Variants in NDST4 observed in about 807,000 individuals in gnomAD.
NDST4 encodes the protein N-deacetylase and N-sulfotransferase 4.
NDST4 carries 63 observed loss-of-function variants against 100.8 expected under a neutral mutation model. The observed-to-expected ratio is 0.62, with a 90% CI of 0.51 to 0.77. The LOEUF is 0.77. Among genes scored for constraint, NDST4 ranks in the 30% least tolerant of loss-of-function variants. NDST4 has a pLI of 0.00. For missense variants in NDST4, 943 were observed against 1,018.4 expected, an observed-to-expected ratio of 0.93 and a Z score of 1.01; for synonymous variants, 377 against 361.8, an observed-to-expected ratio of 1.04 and a Z score of -0.48.
At chr4:114,935,392 G>A (rs1725607366) in intron 5 of NDST4, 58 bp from the exon 6 acceptor site, 1 of 1,436,722 alleles carries the variant, frequency 7.0e-7, no homozygotes, top group South Asian at 1.6e-5. Context: ...AACTTCACCT[G>A]TGTCTCATAA....
At chr4:114,927,880 T>C (rs1461437521) in intron 6 of NDST4, among the ~76,000 whole-genome samples, 2 of 152,186 alleles carry the variant, frequency 1.3e-5, no homozygotes, top group East Asian at 1.9e-4. Flanking sequence ...CTTCTACTTA[T>C]AAGTTCCTAC....
chr4:115,049,748 G>A (rs1372416736), intron 2 of NDST4, among the ~76,000 whole-genome samples: 2 of 152,074 alleles, frequency 1.3e-5, no homozygotes, highest in Non-Finnish European at 2.9e-5. Context: ...GGGCCAGTGA[G>A]GTAAAAGTTG....
chr4:114,931,905 T>TA (rs558546577), intron 6 of NDST4, among the ~76,000 whole-genome samples: 61 of 146,312 alleles, frequency 4.2e-4, no homozygotes, highest in East Asian at 7.9e-4. Context: ...ATGTATTTTA[T>TA]AAAAAAAAAA....
chr4:115,075,427 T>A (rs1729157048), intron 2 of NDST4, among the ~76,000 whole-genome samples: 1 of 152,160 alleles, frequency 6.6e-6, no homozygotes, highest in African/African-American at 2.4e-5. Flanking sequence ...TGTTACAAAC[T>A]GCAGCATGTA....
At chr4:114,984,039 T>A (rs1726841434) in intron 2 of NDST4, among the ~76,000 whole-genome samples, 1 of 152,228 alleles carries the variant, frequency 6.6e-6, no homozygotes, top group African/African-American at 2.4e-5. Flanking sequence ...TTAAGTTTCA[T>A]GAGGTCTTCC....
chr4:114,994,131 C>A lies in NDST4; in HGVS notation c.979-16857G>T, dbSNP rs113019873. On this transcript the variant is annotated intron_variant, in intron 2 of 13. Coordinates refer to ENST00000264363, the MANE Select transcript of NDST4 (RefSeq NM_022569.3). ...TTGTATTGCTGGAGTACTTAGTAGC[C>A]ACTTAGAACTGCTCCGTGATCTTAG... Among the ~76,000 whole-genome samples, 843 of 151,806 alleles carry A rather than the reference C, an allele frequency of 5.6e-3. 3 individuals are homozygous for A. The highest frequency in any genetic ancestry group is 0.024 in the Middle Eastern group (7 of 294).
At chr4:114,889,046 C>T (rs1217133169) in intron 6 of NDST4, among the ~76,000 whole-genome samples, 3 of 152,062 alleles carry the variant, frequency 2.0e-5, no homozygotes, top group Admixed American at 2.0e-4. Flanking sequence ...ATATATGTAG[C>T]AACACTAGAT....
At chr4:115,018,812 A>G (rs1727746124) in intron 2 of NDST4, among the ~76,000 whole-genome samples, 1 of 152,006 alleles carries the variant, frequency 6.6e-6, no homozygotes, top group African/African-American at 2.4e-5. Flanking sequence ...ATATATTAAT[A>G]TCAATACAAT....
intron 2 of NDST4, among the ~76,000 whole-genome samples, chr4:114,986,118 C>T (rs955118164): frequency 6.6e-6 from 1 of 152,070 alleles, no homozygotes; most frequent in Non-Finnish European, 1.5e-5. Context: ...ATTAAACATA[C>T]TGGCAAAGAG....
intron 2 of NDST4, among the ~76,000 whole-genome samples, chr4:115,002,816 T>A (rs1727324134): frequency 6.6e-6 from 1 of 152,090 alleles, no homozygotes; most frequent in Non-Finnish European, 1.5e-5. Context: ...TAGCGAAGAC[T>A]TGGAACCAAC....
chr4:114,943,879 T>C (rs1184159934), intron 4 of NDST4, among the ~76,000 whole-genome samples: 2 of 152,154 alleles, frequency 1.3e-5, no homozygotes, highest in Admixed American at 1.3e-4. Flanking sequence ...CTTGAAATAG[T>C]GGCTATGAAG....
intron 2 of NDST4, among the ~76,000 whole-genome samples, chr4:115,020,695 A>G (rs943927637): frequency 6.6e-6 from 1 of 152,120 alleles, no homozygotes; most frequent in Non-Finnish European, 1.5e-5. Flanking sequence ...AGAATTTACA[A>G]TGAAGTCAAA....
chr4:114,926,294 T>C (rs1725384839), intron 6 of NDST4, among the ~76,000 whole-genome samples: 1 of 152,104 alleles, frequency 6.6e-6, no homozygotes, highest in Non-Finnish European at 1.5e-5. Context: ...CTCATATCAT[T>C]TAATTTTCAA....
At chr4:115,034,621 C>G (rs1284472446) in intron 2 of NDST4, among the ~76,000 whole-genome samples, 1 of 151,994 alleles carries the variant, frequency 6.6e-6, no homozygotes, top group African/African-American at 2.4e-5. Context: ...AGAAAGTATA[C>G]TAAAAATATT....
chr4:115,030,294 A>AT (rs1255585367), intron 2 of NDST4, among the ~76,000 whole-genome samples: 2 of 152,134 alleles, frequency 1.3e-5, no homozygotes, highest in Non-Finnish European at 2.9e-5. Flanking sequence ...ATGTGGTGTG[A>AT]TTAGAAGTGG....
intron 1 of NDST4, among the ~76,000 whole-genome samples, chr4:115,081,506 T>C (rs1256074611): frequency 1.3e-5 from 2 of 152,056 alleles, no homozygotes; most frequent in Admixed American, 1.3e-4. Flanking sequence ...CATGCAGGAG[T>C]ATGGATAGGG....
At chr4:114,918,549 AT>A (rs1238474288) in intron 6 of NDST4, among the ~76,000 whole-genome samples, 10 of 42,922 alleles carry the variant, frequency 2.3e-4, no homozygotes, top group Non-Finnish European at 3.3e-4. Context: ...TAATAAAAAA[AT>A]AAAAATAAAT....
intron 1 of NDST4, 107 bp downstream of exon 1, chr4:115,113,337 T>A (rs1359181907): frequency 1.3e-5 from 2 of 151,992 alleles, no homozygotes; most frequent in African/African-American, 4.8e-5. Context: ...TCTACATAAA[T>A]CTTTCACAAA....
intron 2 of NDST4, among the ~76,000 whole-genome samples, chr4:115,067,135 C>T (rs1728966365): frequency 6.6e-6 from 1 of 152,196 alleles, no homozygotes; most frequent in South Asian, 2.1e-4. Flanking sequence ...GGGTCACCCA[C>T]CTAGAAACTG....
Sources: allele counts gnomAD v4.1 joint callset (sites outside exome capture counted in the v4.1 genomes callset), GRCh38; gene constraint gnomAD v4.1.1; transcripts MANE v1.5; gene names NCBI Gene and HGNC (gene_info 2026-07-23, HGNC 2026-07-21).